Variants in GPR146 observed in about 807,000 individuals in gnomAD.
The protein encoded by GPR146 is G protein-coupled receptor 146, also known as G-protein coupled receptor 146.
For synonymous variants in GPR146, 203 were observed against 104.3 expected, an observed-to-expected ratio of 1.95 and a Z score of -5.77; for missense variants, 381 against 213.9, an observed-to-expected ratio of 1.78 and a Z score of -4.87.
chr7:1,046,365 G>A (rs1239285249), intron 1 of GPR146, among the ~76,000 whole-genome samples: 1 of 152,162 alleles, frequency 6.6e-6, no homozygotes, highest in Non-Finnish European at 1.5e-5. Flanking sequence ...ACGATCCCAC[G>A]GTGCTGTTTT....
chr7:1,046,485 C>T (rs1782591185), intron 1 of GPR146, among the ~76,000 whole-genome samples: 1 of 152,188 alleles, frequency 6.6e-6, no homozygotes, highest in African/African-American at 2.4e-5. Flanking sequence ...GTCCAGTTAG[C>T]CCACATCTGT....
Position 1,052,897 on chromosome 7 carries a change from A to G in GPR146, c.-24-4595A>G, listed in dbSNP as rs56048221. On this transcript the variant is annotated intron_variant, in intron 1 of 1. Transcript: ENST00000444847. The surrounding 1 kb of genome is among the most constrained non-coding windows in gnomAD (Gnocchi z 4.2). Reference sequence around the variant, plus strand: ...GCCTCCAGAATCTTTCATCGCCGCCACAACAAACTCAGGCTTTCGTGTAGG... The same window carrying G: ...GCCTCCAGAATCTTTCATCGCCGCCGCAACAAACTCAGGCTTTCGTGTAGG... Among the ~76,000 whole-genome samples the G allele has an allele frequency of 0.17, 25,839 of 152,126 alleles. 2,349 individuals are homozygous for G. The highest frequency in any genetic ancestry group is 0.27 in the Middle Eastern group (79 of 292).
At chr7:1,050,403 AGCTGCCCAGACGG>A (rs1198879421) in intron 1 of GPR146, among the ~76,000 whole-genome samples, 3 of 152,256 alleles carry the variant, frequency 2.0e-5, no homozygotes, top group African/African-American at 4.8e-5. Context: ...CAACAGGGAC[AGCTGCCCAGACGG>A]GCTGCCCAAG....
At chr7:1,050,044 C>T (rs1427404577) in intron 1 of GPR146, among the ~76,000 whole-genome samples, 1 of 152,244 alleles carries the variant, frequency 6.6e-6, no homozygotes, top group Non-Finnish European at 1.5e-5. Context: ...CGGGCTAGGC[C>T]TTGGCAGGGC....
In GPR146 at chr7:1,057,625, G is replaced by T. The variant is rs61742799; in HGVS notation, c.110G>T (p.Gly37Val). The change falls in exon 2 of 2, where the codon GGC becomes GTC. Residue 37 changes from glycine (G) to valine (V), a missense_variant. Gly to Val is a moderately radical substitution (Grantham distance 109, BLOSUM62 -3). Coordinates refer to ENST00000444847, the MANE Select transcript of GPR146 (RefSeq NM_001303473.2). ...SLLSLLGLVVGVPVGLCYNAL... is the reference protein window; with the variant it reads ...SLLSLLGLVVVVPVGLCYNAL... Reference sequence around the variant, plus strand: ...TTGTCGCTGCTGGGCCTGGTGGTGGGCGTGCCAGTGGGCCTGTGCTACAAC... The same window carrying T: ...TTGTCGCTGCTGGGCCTGGTGGTGGTCGTGCCAGTGGGCCTGTGCTACAAC... 2.5e-5 allele frequency: 19 copies of T among 769,554 alleles called. No individual in the cohort carries two copies. In the South Asian group the frequency reaches 2.6e-4, roughly 10 times the overall value. The allele number at this position is 769,554 out of a possible 1,614,324, so 47.7% of individuals were successfully genotyped here. A position where few individuals can be genotyped will look rare whatever the true frequency, so the allele number is the denominator to read the frequency against.
At chr7:1,054,947 C>T (rs982193784) in intron 1 of GPR146, among the ~76,000 whole-genome samples, 1 of 152,210 alleles carries the variant, frequency 6.6e-6, no homozygotes, top group African/African-American at 2.4e-5. Context: ...CTGTTGATTT[C>T]CTCACGGAAA....
At chr7:1,048,589 C>T (rs76619075) in intron 1 of GPR146, among the ~76,000 whole-genome samples, 4 of 152,102 alleles carry the variant, frequency 2.6e-5, no homozygotes, top group South Asian at 2.1e-4. Context: ...AAGTTAGCCC[C>T]GGGTTTCAGC....
Position 1,058,962 on chromosome 7 carries a change from G to C in GPR146, c.*445G>C, listed in dbSNP as rs1410717086. ...CCCTACGAAAGAATGGCAACAGCCA[G>C]GGTGGCCGGGCCCTGCCAGTGGGCG... On this transcript the variant is annotated 3_prime_UTR_variant, in exon 2 of 2. Transcript: ENST00000444847. The C allele has an allele frequency of 5.3e-6, 1 of 187,566 alleles. No homozygotes were observed. Among genetic ancestry groups the C allele is most frequent in the Non-Finnish European group, 1.3e-5 (1 of 79,408 alleles). 11.6% of individuals were successfully genotyped at this position (187,566 alleles called of 1,614,324 possible).
intron 1 of GPR146, among the ~76,000 whole-genome samples, chr7:1,054,706 A>G (rs11763793): frequency 0.11 from 17,446 of 152,126 alleles, 1,227 homozygotes; most frequent in Middle Eastern, 0.26. Flanking sequence ...GGCTGGCCCC[A>G]CGCGGTTCCA....
Position 1,052,289 on chromosome 7 carries a change from C to T in GPR146, c.-24-5203C>T, listed in dbSNP as rs1783192380. On this transcript the variant is annotated intron_variant, in intron 1 of 1. Transcript: ENST00000444847. The surrounding 1 kb of genome is among the most constrained non-coding windows in gnomAD (Gnocchi z 4.2). ...GGCAAGGCTGACCTGCAGCGTCCAG[C>T]TCGGCTGGGGACACTCGCCTGAGAA... Among the ~76,000 whole-genome samples the T allele has an allele frequency of 6.6e-6, 1 of 152,234 alleles. No individual in the cohort carries two copies. The highest frequency in any genetic ancestry group is 2.4e-5 in the African/African-American group (1 of 41,466).
chr7:1,055,899 AGT>A (rs1783697732), intron 1 of GPR146, among the ~76,000 whole-genome samples: 1 of 152,164 alleles, frequency 6.6e-6, no homozygotes, highest in African/African-American at 2.4e-5. Flanking sequence ...TGGGGACTCA[AGT>A]GGAGTCTGGG....
chr7:1,049,766 A>T (rs1326970170), intron 1 of GPR146, among the ~76,000 whole-genome samples: 4 of 152,204 alleles, frequency 2.6e-5, no homozygotes, highest in Non-Finnish European at 5.9e-5. Context: ...GTGCTTTCTC[A>T]AAGTAGGAAA....
At chr7:1,047,502 A>G (rs1782689610) in intron 1 of GPR146, among the ~76,000 whole-genome samples, 2 of 152,404 alleles carry the variant, frequency 1.3e-5, no homozygotes, top group South Asian at 4.1e-4. Flanking sequence ...CTGTGAAAAC[A>G]GCAGCCTTTC....
At chr7:1,057,432 C>T (rs1468488933) in intron 1 of GPR146, 60 bp from the exon 2 acceptor site, 7 of 648,662 alleles carry the variant, frequency 1.1e-5, no homozygotes, top group African/African-American at 1.1e-4. Context: ...ACCTGCAGCA[C>T]TTCTGGGCCA....
chr7:1,058,748 C>A lies in GPR146; in HGVS notation c.*231C>A. 1.8e-6 allele frequency: 1 copy of A among 564,298 alleles called. No individual in the cohort carries two copies. Among genetic ancestry groups the A allele is most frequent in the South Asian group, 2.4e-5 (1 of 41,326 alleles). The allele number at this position is 564,298 out of a possible 1,614,324, so 35.0% of individuals were successfully genotyped here. A position where few individuals can be genotyped will look rare whatever the true frequency, so the allele number is the denominator to read the frequency against. ...CCGAGGCCTGTGCGTCTCCCAAACA[C>A]GCAGCTCAAGGTCCACATCCGCAAA... On this transcript the variant is annotated 3_prime_UTR_variant, in exon 2 of 2. Coordinates refer to ENST00000444847, the MANE Select transcript of GPR146 (RefSeq NM_001303473.2).
At chr7:1,051,902 C>T (rs1783147263) in intron 1 of GPR146, among the ~76,000 whole-genome samples, 1 of 152,214 alleles carries the variant, frequency 6.6e-6, no homozygotes, top group African/African-American at 2.4e-5. Context: ...CGCTTGAGCC[C>T]AGGAGGCAGA....
intron 1 of GPR146, among the ~76,000 whole-genome samples, chr7:1,050,596 C>A (rs1048417411): frequency 6.6e-6 from 1 of 152,208 alleles, no homozygotes; most frequent in Non-Finnish European, 1.5e-5. Flanking sequence ...CGGACGGACG[C>A]GGGAGAGCCT....
intron 1 of GPR146, among the ~76,000 whole-genome samples, chr7:1,048,785 G>A (rs991831485): frequency 2.0e-5 from 3 of 152,146 alleles, no homozygotes; most frequent in East Asian, 1.9e-4. Context: ...CTCCACAGCC[G>A]CACATGGGCT....
chr7:1,058,962 G>A lies in GPR146; in HGVS notation c.*445G>A. 5.3e-6 allele frequency: 1 copy of A among 187,684 alleles called. No individual in the cohort carries two copies. Among genetic ancestry groups the A allele is most frequent in the South Asian group, 1.4e-4 (1 of 7,360 alleles). 11.6% of individuals were successfully genotyped at this position (187,684 alleles called of 1,614,324 possible). A position where few individuals can be genotyped will look rare whatever the true frequency, so the allele number is the denominator to read the frequency against. ...CCCTACGAAAGAATGGCAACAGCCAGGGTGGCCGGGCCCTGCCAGTGGGCG... is the reference window on the plus strand; with the variant it reads ...CCCTACGAAAGAATGGCAACAGCCAAGGTGGCCGGGCCCTGCCAGTGGGCG... On this transcript the variant is annotated 3_prime_UTR_variant, in exon 2 of 2. Transcript: ENST00000444847.
Sources: allele counts gnomAD v4.1 joint callset (sites outside exome capture counted in the v4.1 genomes callset), GRCh38; gene constraint gnomAD v4.1.1; non-coding constraint Gnocchi (gnomAD v3.1); transcripts MANE v1.5; gene names NCBI Gene and HGNC (gene_info 2026-07-23, HGNC 2026-07-21).